Variants in ADGRD1 observed in about 807,000 individuals in gnomAD.
ADGRD1 encodes the protein adhesion G protein-coupled receptor D1, also known as G-protein coupled receptor 133.
A neutral mutation model predicts 113.4 loss-of-function variants in ADGRD1; 77 were observed. The observed-to-expected ratio is 0.68, with a 90% CI of 0.57 to 0.82. The LOEUF (loss-of-function observed/expected upper bound fraction) is 0.82. ADGRD1 is among the 40% of genes least tolerant of loss of function. The probability of loss-of-function intolerance (pLI) is 0.00; values close to 1 mark genes in which losing one functional copy is unlikely to be tolerated. For synonymous variants in ADGRD1, 474 were observed against 475.0 expected (o/e 1.00, Z 0.03); for missense variants, 1,036 against 1,139.1 (o/e 0.91, Z 1.30).
At chr12:131,098,157 A>ACGGTGGCCGCTGTCTGGGCCTCACCGC (rs1289650064) in intron 15 of ADGRD1, among the ~76,000 whole-genome samples, 1 of 116,624 alleles carries the variant, frequency 8.6e-6, no homozygotes, top group Admixed American at 8.7e-5. Context: ...TCTGGGCCTC[A>ACGGTGGCCGCTGTCTGGGCCTCACCGC]CTTCCTTCTC....
At position 130,966,792 on chromosome 12, in the gene ADGRD1, CT is replaced by C. The variant is rs397795712; in HGVS notation, c.187+256del. On this transcript the variant is annotated intron_variant, in intron 3 of 24. Transcript: ENST00000261654. This position sits in a 1 kb window ranked among gnomAD's most constrained non-coding sequence, Gnocchi z 4.6. Reference sequence around the variant, plus strand: ...ACTTCCCGTAATAGTTATTTCAAAGCTTTTTTTTTTGTAGAGATGGGGTCTT... The same window carrying C: ...ACTTCCCGTAATAGTTATTTCAAAGCTTTTTTTTTGTAGAGATGGGGTCTT... The C allele has an allele frequency of 4.5e-4, 160 of 352,298 alleles. No homozygotes were observed. The highest frequency in any genetic ancestry group is 8.8e-4 in the Middle Eastern group (1 of 1,134). The allele number at this position is 352,298 out of a possible 1,614,324, so 21.8% of individuals were successfully genotyped here.
At position 131,084,687 on chromosome 12, in the gene ADGRD1, G is replaced by A. The variant is rs200102688; in HGVS notation, c.1671+24G>A. 216 of 1,612,602 alleles carry A rather than the reference G, an allele frequency of 1.3e-4. No individual in the cohort carries two copies. The highest frequency in any genetic ancestry group is 1.7e-4 in the Non-Finnish European group (205 of 1,179,412). On this transcript the variant is annotated intron_variant, in intron 15 of 24. Transcript: ENST00000261654. The surrounding 1 kb of genome is among the most constrained non-coding windows in gnomAD (Gnocchi z 4.5). ...AGGTAAGAGCCAGGCCTCAGGGGTCGCGGGACCTGGGGGACGTACCATGAG... is the reference window on the plus strand; with the variant it reads ...AGGTAAGAGCCAGGCCTCAGGGGTCACGGGACCTGGGGGACGTACCATGAG...
chr12:131,072,096 A>G (rs1004708205), intron 13 of ADGRD1, among the ~76,000 whole-genome samples: 41 of 150,864 alleles, frequency 2.7e-4, no homozygotes, highest in African/African-American at 9.8e-4. Context: ...TTGAAACAGC[A>G]ATGCAGTTTC....
At chr12:130,977,429 C>A (rs1179451294) in intron 4 of ADGRD1, 1 of 152,250 alleles carries the variant, frequency 6.6e-6, no homozygotes, top group East Asian at 1.9e-4. Context: ...ACGAGTGTCT[C>A]CTCCTGGCCA....
intron 11 of ADGRD1, among the ~76,000 whole-genome samples, chr12:131,004,915 A>G (rs1876893942): frequency 6.6e-6 from 1 of 152,164 alleles, no homozygotes; most frequent in Non-Finnish European, 1.5e-5. Context: ...TTCCTGGAAA[A>G]GCGAATATGA....
intron 14 of ADGRD1, among the ~76,000 whole-genome samples, chr12:131,079,929 C>T (rs1885938522): frequency 6.6e-6 from 1 of 152,018 alleles, no homozygotes; most frequent in Non-Finnish European, 1.5e-5. Context: ...TAACTTTTGG[C>T]TTCATTGATT....
At chr12:131,099,153 A>G (rs1363120683) in intron 15 of ADGRD1, among the ~76,000 whole-genome samples, 2 of 152,190 alleles carry the variant, frequency 1.3e-5, no homozygotes, top group African/African-American at 4.8e-5. Context: ...ACCTGTCTTC[A>G]TGGAACTTAC....
chr12:131,052,257 A>G (rs1315183993), intron 13 of ADGRD1, among the ~76,000 whole-genome samples: 1 of 152,154 alleles, frequency 6.6e-6, no homozygotes, highest in African/African-American at 2.4e-5. Context: ...CTCTGAGATG[A>G]GAACCCCTGC....
chr12:131,074,582 A>C (rs1885432051), intron 13 of ADGRD1, among the ~76,000 whole-genome samples: 2 of 152,134 alleles, frequency 1.3e-5, no homozygotes, highest in Non-Finnish European at 2.9e-5. Context: ...TATGCAGATG[A>C]CTTACATTCT....
At position 131,113,989 on chromosome 12, in the gene ADGRD1, GCACGCACACA is replaced by G. The variant is rs773423769; in HGVS notation, c.2042-4382_2042-4373del. On this transcript the variant is annotated intron_variant, in intron 18 of 24. Transcript: ENST00000261654. The surrounding 1 kb of genome is among the most constrained non-coding windows in gnomAD (Gnocchi z 4.9). The stretch of plus-strand genomic sequence containing the variant: ...AATTTAGAGGCATACGTGCATGTGT[GCACGCACACA>G]CACGCACACACACTCACACTCTCCA... Among the ~76,000 whole-genome samples the G allele has an allele frequency of 6.6e-5, 10 of 152,080 alleles. No individual in the cohort carries two copies. The highest frequency in any genetic ancestry group is 2.1e-4 in the South Asian group (1 of 4,730).
Position 131,129,371 on chromosome 12 carries a change from C to G in ADGRD1, c.2176-2354C>G, listed in dbSNP as rs1246337325. 2.5e-3 allele frequency among the ~76,000 whole-genome samples: 212 copies of G among 84,316 alleles called. 15 individuals are homozygous for G. Among genetic ancestry groups the G allele is most frequent in the African/African-American group, 7.9e-3 (117 of 14,794 alleles). The allele number at this position is 84,316 out of a possible 152,430, so 55.3% of individuals were successfully genotyped here. ...TGGGTGTGAGTGACAGGCTGGCCCT[C>G]CTGTCTGGGTGTGAGTGACAGGCCC... On this transcript the variant is annotated intron_variant, in intron 20 of 24. Coordinates refer to ENST00000261654, the MANE Select transcript of ADGRD1 (RefSeq NM_198827.5).
At chr12:131,004,417 G>C (rs529338481) in intron 11 of ADGRD1, 121 bp downstream of exon 11, 2 of 776,150 alleles carry the variant, frequency 2.6e-6, no homozygotes, top group Admixed American at 4.3e-5. Flanking sequence ...CGGGCCGCCT[G>C]CGGTGCTCCC....
intron 12 of ADGRD1, among the ~76,000 whole-genome samples, chr12:131,011,966 C>A (rs1185317369): frequency 2.6e-5 from 4 of 152,178 alleles, no homozygotes; most frequent in Non-Finnish European, 4.4e-5. Flanking sequence ...GCCTTGGTCC[C>A]CCCCAACTTT....
chr12:131,100,085 G>C (rs1950035572), intron 15 of ADGRD1, among the ~76,000 whole-genome samples: 1 of 152,116 alleles, frequency 6.6e-6, no homozygotes, highest in Admixed American at 6.5e-5. Flanking sequence ...TTGATGATGG[G>C]TTTGATTGAT....
At chr12:131,036,594 A>G (rs1881434639) in intron 13 of ADGRD1, among the ~76,000 whole-genome samples, 5 of 140,540 alleles carry the variant, frequency 3.6e-5, no homozygotes. Context: ...ACCAGGTCTC[A>G]CTCACTGCAC....
At chr12:131,101,373 C>CTTTTTTTTTTTTTTTTTTTTTTT (rs796951608) in intron 15 of ADGRD1, among the ~76,000 whole-genome samples, 1 of 79,352 alleles carries the variant, frequency 1.3e-5, no homozygotes, top group Non-Finnish European at 2.4e-5. Context: ...CTTTTTCTTT[C>CTTTTTTTTTTTTTTTTTTTTTTT]TTTCTTTTTT....
chr12:131,053,984 A>G (rs1010723492), intron 13 of ADGRD1, among the ~76,000 whole-genome samples: 8 of 152,192 alleles, frequency 5.3e-5, no homozygotes, highest in Middle Eastern at 3.4e-3. Flanking sequence ...AGCCCGTCCC[A>G]TTTACTGTCT....
chr12:130,995,733 ATCT>A (rs1037441947), intron 8 of ADGRD1, among the ~76,000 whole-genome samples: 1 of 118,658 alleles, frequency 8.4e-6, no homozygotes, highest in African/African-American at 2.5e-5. Context: ...GTGAACTGAA[ATCT>A]TTTTTTTTTT....
At chr12:131,066,161 A>G (rs1446333408) in intron 13 of ADGRD1, among the ~76,000 whole-genome samples, 1 of 152,228 alleles carries the variant, frequency 6.6e-6, no homozygotes, top group Non-Finnish European at 1.5e-5. Flanking sequence ...CCCTGACTCC[A>G]GCAGTCATAG....
Sources: gnomAD v4.1 joint callset for allele counts (sites outside exome capture counted in the v4.1 genomes callset) on GRCh38, gnomAD v4.1.1 for gene constraint, Gnocchi (gnomAD v3.1) non-coding constraint, MANE v1.5 for transcripts, NCBI Gene and HGNC (gene_info 2026-07-23, HGNC 2026-07-21) for gene names.